POLA1: variants seen among roughly 807,000 people sequenced by gnomAD.
The protein encoded by POLA1 is DNA polymerase alpha catalytic subunit.
A neutral mutation model predicts 124.0 loss-of-function variants in POLA1; 15 were observed. That is an observed-to-expected ratio of 0.12 (90% CI 0.08 to 0.19). The LOEUF (loss-of-function observed/expected upper bound fraction) is 0.19. POLA1 is among the 10% of genes least tolerant of loss of function. The probability of loss-of-function intolerance (pLI) is 1.00; values close to 1 mark genes in which losing one functional copy is unlikely to be tolerated. For missense variants in POLA1, 886 were observed against 1,103.4 expected, an observed-to-expected ratio of 0.80 and a Z score of 2.79; for synonymous variants, 408 against 389.4, an observed-to-expected ratio of 1.05 and a Z score of -0.56.
chrX:24,930,513 T>C lies in POLA1; in HGVS notation c.4225T>C (p.Cys1409Arg). 1.7e-6 allele frequency: 2 copies of C among 1,189,822 alleles called. No homozygotes were observed. The highest frequency in any genetic ancestry group is 1.1e-6 in the Non-Finnish European group (1 of 875,473). Residue 1409 changes from cysteine (C) to arginine (R), a missense_variant, in exon 36 of 37, where the codon TGT becomes CGT. By Grantham distance (180) the Cys-to-Arg change is radical. This residue lies in a region of POLA1 where 313 missense variants were observed against 359.7 expected (regional missense o/e 0.87). Transcript: ENST00000379068. ...TTACCGGTACATTTTTGATGCGGAGTGTGCACTGGAGAAACTTACTACCGA... is the reference window on the plus strand; with the variant it reads ...TTACCGGTACATTTTTGATGCGGAGCGTGCACTGGAGAAACTTACTACCGA... ...CFYRYIFDAE[C>R]ALEKLTTDHE...
chrX:24,931,375 C>A (rs965834642), intron 36 of POLA1, among the ~76,000 whole-genome samples: 3 of 111,928 alleles, frequency 2.7e-5, no homozygotes, highest in Non-Finnish European at 5.6e-5. Flanking sequence ...TAAAAACCTA[C>A]AACTATTGCT....
At chrX:24,828,993 G>A (rs2046218120) in intron 32 of POLA1, among the ~76,000 whole-genome samples, 1 of 112,082 alleles carries the variant, frequency 8.9e-6, no homozygotes, top group Admixed American at 9.4e-5. Context: ...ATCATAGGCT[G>A]CCTTATGAAT....
chrX:24,806,059 T>G (rs1323888297), intron 26 of POLA1, among the ~76,000 whole-genome samples: 7 of 9,482 alleles, frequency 7.4e-4, no homozygotes, highest in Admixed American at 5.1e-3. Flanking sequence ...TGAGGTTTTT[T>G]TTTTTTTTTT....
chrX:24,899,368 A>C lies in POLA1; in HGVS notation c.4164+11246A>C, dbSNP rs749611273. 6.3e-5 allele frequency among the ~76,000 whole-genome samples: 7 copies of C among 111,905 alleles called. No homozygotes were observed. The East Asian group carries it at 1.4e-3, about 22-fold the overall frequency. ...TAGCGGCAATTGTTTCAACAACCCCAAAAAAATTGCATTACTGAAATATAT... is the reference window on the plus strand; with the variant it reads ...TAGCGGCAATTGTTTCAACAACCCCCAAAAAATTGCATTACTGAAATATAT... On this transcript the variant is annotated intron_variant, in intron 35 of 36. Transcript: ENST00000379068.
chrX:24,774,313 C>T (rs918480305), intron 26 of POLA1, among the ~76,000 whole-genome samples: 5 of 111,537 alleles, frequency 4.5e-5, no homozygotes, highest in African/African-American at 1.6e-4. Context: ...AGGCTGCTCC[C>T]TCCTCAGCAG....
In POLA1 at chrX:24,814,974, T is replaced by G. The variant is rs1218319388; in HGVS notation, c.3297-5T>G. 5.5e-6 allele frequency: 6 copies of G among 1,087,436 alleles called. No individual in the cohort carries two copies. The highest frequency in any genetic ancestry group is 3.2e-5 in the Admixed American group (1 of 30,848). The allele number at this position is 1,087,436 out of a possible 1,213,427, so 89.6% of individuals were successfully genotyped here. On this transcript the variant is annotated splice_polypyrimidine_tract_variant and splice_region_variant and intron_variant, in intron 29 of 36. Coordinates refer to ENST00000379068, the MANE Select transcript of POLA1 (RefSeq NM_001330360.2). ...TTTGTTTTGTTTTTTTTTTTTTTTT[T>G]GCAGCTTTGTGATTGGCCAGATTCT...
At chrX:24,977,668 A>G (rs774982687) in intron 36 of POLA1, among the ~76,000 whole-genome samples, 1 of 112,163 alleles carries the variant, frequency 8.9e-6, no homozygotes, top group Non-Finnish European at 1.9e-5. Flanking sequence ...TTTAATTTCT[A>G]AGAACTAGAA....
chrX:24,924,716 C>A (rs190071656), intron 35 of POLA1, among the ~76,000 whole-genome samples: 23 of 111,685 alleles, frequency 2.1e-4, no homozygotes, highest in African/African-American at 7.5e-4. Context: ...ACTGTGGGGT[C>A]TGATGAGGTG....
At chrX:24,766,334 T>A (rs1932902800) in intron 26 of POLA1, among the ~76,000 whole-genome samples, 1 of 112,207 alleles carries the variant, frequency 8.9e-6, no homozygotes, top group Non-Finnish European at 1.9e-5. Flanking sequence ...AGGCAGTGTG[T>A]TTAACTCACT....
chrX:24,958,243 T>G (rs187970807), intron 36 of POLA1, among the ~76,000 whole-genome samples: 360 of 111,771 alleles, frequency 3.2e-3, no homozygotes, highest in African/African-American at 0.011. Context: ...AAGCTTTTCT[T>G]TAATCTTATA....
chrX:24,880,815 G>A (rs2046992067), intron 34 of POLA1, among the ~76,000 whole-genome samples: 1 of 111,758 alleles, frequency 8.9e-6, no homozygotes, highest in African/African-American at 3.3e-5. Flanking sequence ...GGTTTAGGGT[G>A]AAAAGAGAGT....
intron 36 of POLA1, among the ~76,000 whole-genome samples, chrX:24,933,779 T>A (rs1163216467): frequency 8.9e-6 from 1 of 112,582 alleles, no homozygotes. Context: ...AAGTAGCTCT[T>A]GTCAAAGCTT....
chrX:24,911,258 C>T (rs997220135), intron 35 of POLA1, among the ~76,000 whole-genome samples: 2 of 111,530 alleles, frequency 1.8e-5, no homozygotes, highest in African/African-American at 6.5e-5. Context: ...AGGTCAATTA[C>T]CGATGCTCAT....
intron 34 of POLA1, among the ~76,000 whole-genome samples, chrX:24,884,719 C>T (rs2047043639): frequency 8.9e-6 from 1 of 111,923 alleles, no homozygotes; most frequent in Non-Finnish European, 1.9e-5. Context: ...GTTCCCTTCA[C>T]ACAGTTATCA....
At chrX:24,792,132 T>C (rs2045512476) in intron 26 of POLA1, among the ~76,000 whole-genome samples, 1 of 112,004 alleles carries the variant, frequency 8.9e-6, no homozygotes, top group Non-Finnish European at 1.9e-5. Flanking sequence ...ATTGTTGGCC[T>C]GAATGAGCTG....
chrX:24,786,681 A>ATTTTTTT (rs1205219554), intron 26 of POLA1, among the ~76,000 whole-genome samples: 1 of 63,149 alleles, frequency 1.6e-5, no homozygotes, highest in Non-Finnish European at 2.9e-5. Flanking sequence ...GGCTTGGCTA[A>ATTTTTTT]TTTTTTTTTT....
intron 34 of POLA1, among the ~76,000 whole-genome samples, chrX:24,845,143 G>GT (rs11573437): frequency 8.9e-6 from 1 of 111,898 alleles, no homozygotes; most frequent in East Asian, 2.8e-4. Context: ...CTAATTGTGT[G>GT]TATGTTGTGG....
At chrX:24,979,998 T>G (rs1442630528) in intron 36 of POLA1, among the ~76,000 whole-genome samples, 1 of 112,067 alleles carries the variant, frequency 8.9e-6, no homozygotes, top group Non-Finnish European at 1.9e-5. Context: ...GGAGGAGATG[T>G]GGACCATGTA....
At chrX:24,858,017 C>T (rs944187606) in intron 34 of POLA1, among the ~76,000 whole-genome samples, 5 of 111,922 alleles carry the variant, frequency 4.5e-5, no homozygotes, top group African/African-American at 6.5e-5. Context: ...TATACTTTCA[C>T]GCCTGTATCA....
Sources: gnomAD v4.1 joint callset for allele counts (sites outside exome capture counted in the v4.1 genomes callset) on GRCh38, gnomAD v4.1.1 for gene constraint, gnomAD v4.1.1 regional missense constraint, MANE v1.5 for transcripts, NCBI Gene and HGNC (gene_info 2026-07-23, HGNC 2026-07-21) for gene names.